WDR25: variants seen among roughly 807,000 people sequenced by gnomAD.
WDR25 encodes WD repeat-containing protein 25.
WDR25 carries 35 observed loss-of-function variants against 47.7 expected under a neutral mutation model. The ratio of observed to expected loss-of-function variants is 0.73; its 90% CI spans 0.56 to 0.97. WDR25 has a LOEUF of 0.97. Among genes scored for constraint, WDR25 ranks in the 50% least tolerant of loss-of-function variants. The probability of loss-of-function intolerance (pLI) is 0.00; values close to 1 mark genes in which losing one functional copy is unlikely to be tolerated. For missense variants in WDR25, 634 were observed against 704.7 expected (o/e 0.90, Z 1.14); for synonymous variants, 248 against 278.9 (o/e 0.89, Z 1.10).
chr14:100,528,434 T>TC (rs2030293890), intron 5 of WDR25, among the ~76,000 whole-genome samples: 1 of 105,904 alleles, frequency 9.4e-6, no homozygotes, highest in Admixed American at 1.0e-4. Flanking sequence ...TTTCTTTCTT[T>TC]CTTTTTTTTT....
intron 2 of WDR25, among the ~76,000 whole-genome samples, chr14:100,429,078 T>G (rs191392549): frequency 5.3e-5 from 8 of 152,326 alleles, no homozygotes; most frequent in Admixed American, 3.9e-4. Context: ...TTTAGAACAT[T>G]TTCTTCCATT....
chr14:100,486,537 C>T (rs1462076338), intron 4 of WDR25, among the ~76,000 whole-genome samples: 1 of 152,222 alleles, frequency 6.6e-6, no homozygotes, highest in East Asian at 1.9e-4. Context: ...GGGGACAACA[C>T]TCTTTCCTGC....
At chr14:100,519,782 A>G (rs993272472) in intron 4 of WDR25, among the ~76,000 whole-genome samples, 3 of 140,598 alleles carry the variant, frequency 2.1e-5, no homozygotes, top group African/African-American at 7.9e-5. Flanking sequence ...TATATAGTAT[A>G]TATACTATAC....
At chr14:100,489,563 T>G (rs1900494988) in intron 4 of WDR25, among the ~76,000 whole-genome samples, 1 of 152,218 alleles carries the variant, frequency 6.6e-6, no homozygotes, top group Non-Finnish European at 1.5e-5. Context: ...GACTACATTA[T>G]GGAACCCCAA....
chr14:100,528,820 A>G (rs1306071980), intron 5 of WDR25, among the ~76,000 whole-genome samples: 1 of 152,228 alleles, frequency 6.6e-6, no homozygotes, highest in Non-Finnish European at 1.5e-5. Context: ...GCCTCCAGAA[A>G]GAAGTGCGGC....
At chr14:100,409,119 C>T (rs1221222248) in intron 2 of WDR25, among the ~76,000 whole-genome samples, 1 of 152,172 alleles carries the variant, frequency 6.6e-6, no homozygotes, top group Non-Finnish European at 1.5e-5. Context: ...TTGAGACTCA[C>T]TCCCAGGTTC....
chr14:100,510,369 G>A (rs775349786), intron 4 of WDR25, among the ~76,000 whole-genome samples: 2 of 151,868 alleles, frequency 1.3e-5, no homozygotes, highest in African/African-American at 2.4e-5. Context: ...CTGGGCTCAA[G>A]CGATCCTTCT....
intron 2 of WDR25, among the ~76,000 whole-genome samples, chr14:100,462,102 C>T (rs1340473924): frequency 6.6e-6 from 1 of 152,056 alleles, no homozygotes; most frequent in Non-Finnish European, 1.5e-5. Flanking sequence ...AGAACATGAC[C>T]TGTGGCTAGA....
Position 100,468,018 on chromosome 14 carries a change from C to T in WDR25, c.823-3C>T, listed in dbSNP as rs766449819. 14 of 1,612,540 alleles carry T rather than the reference C, an allele frequency of 8.7e-6. No individual in the cohort carries two copies. The highest frequency in any genetic ancestry group is 1.2e-5 in the Non-Finnish European group (14 of 1,180,016). ...ACCTGGTGCTGTCTGTGTTTGCCTG[C>T]AGGTATGGAACGCCGTGGACTCCGG... On this transcript the variant is annotated splice_region_variant and splice_polypyrimidine_tract_variant and intron_variant, in intron 2 of 6. Coordinates refer to ENST00000402312, the MANE Select transcript of WDR25 (RefSeq NM_001161476.3). This position sits in a 1 kb window ranked among gnomAD's most constrained non-coding sequence, Gnocchi z 4.5.
At chr14:100,452,772 G>A (rs1442785804) in intron 2 of WDR25, among the ~76,000 whole-genome samples, 3 of 152,216 alleles carry the variant, frequency 2.0e-5, no homozygotes, top group Non-Finnish European at 1.5e-5. Flanking sequence ...TAGGGCAAGA[G>A]TGGAAGCTGA....
chr14:100,524,950 A>G (rs937130818), intron 4 of WDR25, among the ~76,000 whole-genome samples: 2 of 152,232 alleles, frequency 1.3e-5, no homozygotes, highest in Non-Finnish European at 1.5e-5. Flanking sequence ...TATGAACTCC[A>G]ATTAAAAAGT....
intron 3 of WDR25, among the ~76,000 whole-genome samples, chr14:100,473,135 C>T (rs1432800261): frequency 6.6e-6 from 1 of 152,208 alleles, no homozygotes; most frequent in African/African-American, 2.4e-5. Context: ...AAGAGAATGA[C>T]AGGTTATCGA....
intron 4 of WDR25, among the ~76,000 whole-genome samples, chr14:100,492,376 A>C (rs1279284275): frequency 6.6e-6 from 1 of 152,206 alleles, no homozygotes; most frequent in East Asian, 1.9e-4. Flanking sequence ...ACTGTGTAAG[A>C]AGACCCCTGT....
intron 4 of WDR25, among the ~76,000 whole-genome samples, chr14:100,508,230 G>A (rs868044771): frequency 2.0e-5 from 3 of 152,054 alleles, no homozygotes; most frequent in Non-Finnish European, 4.4e-5. Context: ...ACATCCTTTC[G>A]TGATAAAAAC....
chr14:100,512,351 T>C (rs1029976800), intron 4 of WDR25, among the ~76,000 whole-genome samples: 1 of 152,320 alleles, frequency 6.6e-6, no homozygotes, highest in Non-Finnish European at 1.5e-5. Context: ...AAGAAATTTG[T>C]CCATTTCATC....
intron 4 of WDR25, among the ~76,000 whole-genome samples, chr14:100,485,211 T>C (rs1370760680): frequency 6.6e-6 from 1 of 152,022 alleles, no homozygotes; most frequent in East Asian, 1.9e-4. Context: ...TCTGCTCACA[T>C]ATTACCTCTC....
At chr14:100,519,794 A>G (rs1297425639) in intron 4 of WDR25, among the ~76,000 whole-genome samples, 1 of 139,594 alleles carries the variant, frequency 7.2e-6, no homozygotes, top group Non-Finnish European at 1.5e-5. Flanking sequence ...ATACTATACT[A>G]TATGTATATA....
chr14:100,480,920 C>T, intron 3 of WDR25: 1 of 354,552 alleles, frequency 2.8e-6, no homozygotes, highest in Non-Finnish European at 5.5e-6. Flanking sequence ...GCTCTGCAGG[C>T]ACCTGGCATG....
rs185703975 is a variant in WDR25, at chr14:100,428,867, A to G, written c.823-39154A>G. ...TTTGTTTTTCTTCTTCCATTTCATG[A>G]AGCAATATCACTCAAGCTCCTCTTG... is the stretch of plus-strand genomic sequence containing the variant. On this transcript the variant is annotated intron_variant, in intron 2 of 6. Coordinates refer to ENST00000402312, the MANE Select transcript of WDR25 (RefSeq NM_001161476.3). This position sits in a 1 kb window ranked among gnomAD's most constrained non-coding sequence, Gnocchi z 4.3. 1.8e-3 allele frequency among the ~76,000 whole-genome samples: 279 copies of G among 152,266 alleles called. No homozygotes were observed. Among genetic ancestry groups the G allele is most frequent in the Middle Eastern group, 0.017 (5 of 294 alleles).
Sources: gnomAD v4.1 joint callset for allele counts (sites outside exome capture counted in the v4.1 genomes callset) on GRCh38, gnomAD v4.1.1 for gene constraint, Gnocchi (gnomAD v3.1) non-coding constraint, MANE v1.5 for transcripts, NCBI Gene and HGNC (gene_info 2026-07-23, HGNC 2026-07-21) for gene names.